STAG1: variants seen among roughly 807,000 people sequenced by gnomAD.
STAG1 encodes cohesin subunit SA-1.
In STAG1, 26 loss-of-function variants were observed where a neutral mutation model predicts 170.9. That is an observed-to-expected ratio of 0.15 (90% CI 0.11 to 0.21). The LOEUF (loss-of-function observed/expected upper bound fraction) is 0.21, where lower values mean the gene tolerates loss of function less well. Ranked by LOEUF, STAG1 falls within the 10% of genes least tolerant of loss-of-function variation. The pLI is 1.00. For synonymous variants in STAG1, 514 were observed against 497.7 expected (o/e 1.03, Z -0.44); for missense variants, 964 against 1,509.5 (o/e 0.64, Z 5.99).
intron 30 of STAG1, among the ~76,000 whole-genome samples, chr3:136,343,343 C>T (rs921447500): frequency 6.6e-6 from 1 of 152,184 alleles, no homozygotes. Flanking sequence ...TTGAGGGCAA[C>T]TATTCTCAGA....
intron 1 of STAG1, among the ~76,000 whole-genome samples, chr3:136,747,092 C>CAAAAAAAAAA (rs1934972144): frequency 3.5e-5 from 1 of 28,856 alleles, no homozygotes; most frequent in African/African-American, 3.9e-4. Context: ...GTGAAACTGT[C>CAAAAAAAAAA]TAAAAAAAAA....
chr3:136,657,189 C>CTTTCT (rs1941409988), intron 1 of STAG1, among the ~76,000 whole-genome samples: 2 of 92,290 alleles, frequency 2.2e-5, no homozygotes, highest in African/African-American at 8.1e-5. Flanking sequence ...TTCTTTCTTT[C>CTTTCT]TTTTTTTTTT....
chr3:136,459,230 A>AG (rs1329265199), intron 13 of STAG1, among the ~76,000 whole-genome samples: 5 of 150,750 alleles, frequency 3.3e-5, no homozygotes, highest in Non-Finnish European at 5.9e-5. Flanking sequence ...GAAAAAAAAA[A>AG]AAAAAAGAAA....
At chr3:136,474,790 G>C (rs2089704645) in intron 10 of STAG1, among the ~76,000 whole-genome samples, 2 of 152,194 alleles carry the variant, frequency 1.3e-5, no homozygotes, top group South Asian at 4.1e-4. Flanking sequence ...ATTCTTCAGT[G>C]TCTGCCAGTG....
At chr3:136,604,153 T>C (rs888774953) in intron 4 of STAG1, among the ~76,000 whole-genome samples, 156 bp downstream of exon 4, 4 of 152,152 alleles carry the variant, frequency 2.6e-5, no homozygotes, top group African/African-American at 9.7e-5. Context: ...TGACACTCTT[T>C]GCAAAACAAA....
intron 4 of STAG1, among the ~76,000 whole-genome samples, chr3:136,588,278 G>A (rs1030948750): frequency 2.0e-5 from 3 of 152,040 alleles, no homozygotes; most frequent in Admixed American, 6.5e-5. Flanking sequence ...TATACAACCC[G>A]CCACCCGCCA....
chr3:136,391,357 AC>A (rs796147442), intron 22 of STAG1, among the ~76,000 whole-genome samples: 34 of 147,492 alleles, frequency 2.3e-4, no homozygotes, highest in African/African-American at 8.4e-4. Context: ...ATAGGGCATT[AC>A]TTTAGCCCTC....
chr3:136,667,201 G>A (rs1027391761), intron 1 of STAG1, among the ~76,000 whole-genome samples: 1 of 152,108 alleles, frequency 6.6e-6, no homozygotes, highest in Non-Finnish European at 1.5e-5. Flanking sequence ...AAAGGTAAAA[G>A]AATGTTAGAT....
chr3:136,440,308 T>C (rs963607137), intron 15 of STAG1, among the ~76,000 whole-genome samples: 4 of 152,016 alleles, frequency 2.6e-5, no homozygotes, highest in African/African-American at 9.7e-5. Flanking sequence ...TGGCTAATTT[T>C]TCATATTTTT....
intron 7 of STAG1, 89 bp from the exon 8 acceptor site, chr3:136,502,868 T>C (rs1933554318): frequency 2.9e-6 from 3 of 1,026,642 alleles, no homozygotes; most frequent in African/African-American, 3.3e-5. Flanking sequence ...GATGAAGAAA[T>C]GAAACTAGTG....
intron 6 of STAG1, among the ~76,000 whole-genome samples, chr3:136,524,311 A>G (rs1207577493): frequency 6.6e-6 from 1 of 152,112 alleles, no homozygotes; most frequent in Admixed American, 6.5e-5. Context: ...GGTCCTTCAC[A>G]TCCCTTGTAG....
chr3:136,526,507 T>TC (rs1210634328), intron 6 of STAG1, among the ~76,000 whole-genome samples: 1 of 152,190 alleles, frequency 6.6e-6, no homozygotes, highest in African/African-American at 2.4e-5. Context: ...TTGAGATGGG[T>TC]CTCCTGAATA....
Position 136,477,248 on chromosome 3 carries a change from C to A in STAG1, c.1026+41G>T, listed in dbSNP as rs144645757. 849 of 1,557,128 alleles carry A rather than the reference C, an allele frequency of 5.5e-4. 16 individuals carry two copies. In the East Asian group the frequency reaches 0.019, roughly 36 times the overall value. On this transcript the variant is annotated intron_variant, in intron 10 of 33. Coordinates refer to ENST00000383202, the MANE Select transcript of STAG1 (RefSeq NM_005862.3). ...GATTCCCAGCATTTTAGTACTGAGACAAACATAACTTCCATCAAAGCTTAG... is the reference window on the plus strand; with the variant it reads ...GATTCCCAGCATTTTAGTACTGAGAAAAACATAACTTCCATCAAAGCTTAG...
At chr3:136,666,734 C>G (rs1046875483) in intron 1 of STAG1, among the ~76,000 whole-genome samples, 1 of 151,448 alleles carries the variant, frequency 6.6e-6, no homozygotes, top group Non-Finnish European at 1.5e-5. Context: ...GTAGGAGAAT[C>G]GCTAGAACCC....
At chr3:136,361,723 ACTTTACCCTCCCGAGTAG>A (rs1465969819) in intron 26 of STAG1, among the ~76,000 whole-genome samples, 1 of 152,024 alleles carries the variant, frequency 6.6e-6, no homozygotes, top group Non-Finnish European at 1.5e-5. Context: ...CCATCCTGTC[ACTTTACCCTCCCGAGTAG>A]CTGGGACTAC....
chr3:136,451,505 C>T (rs2107775843), intron 14 of STAG1, among the ~76,000 whole-genome samples: 1 of 152,094 alleles, frequency 6.6e-6, no homozygotes, highest in Middle Eastern at 3.4e-3. Flanking sequence ...GGCTCATGAC[C>T]ATAATCCCAG....
intron 4 of STAG1, among the ~76,000 whole-genome samples, chr3:136,573,641 A>C (rs529084949): frequency 6.6e-6 from 1 of 152,224 alleles, no homozygotes; most frequent in South Asian, 2.1e-4. Context: ...TAAAAAAAAA[A>C]CCAACCTCAT....
At chr3:136,477,546 G>C in intron 9 of STAG1, 134 bp from the exon 10 acceptor site, 1 of 677,396 alleles carries the variant, frequency 1.5e-6, no homozygotes, top group Non-Finnish European at 2.2e-6. Context: ...TCCAACTTAA[G>C]TATCTTCTGT....
intron 9 of STAG1, 134 bp from the exon 10 acceptor site, chr3:136,477,546 G>GT (rs2089783726): frequency 3.0e-6 from 2 of 677,278 alleles, no homozygotes; most frequent in Non-Finnish European, 4.5e-6. Flanking sequence ...TCCAACTTAA[G>GT]TATCTTCTGT....
Sources: gnomAD v4.1 joint callset for allele counts (sites outside exome capture counted in the v4.1 genomes callset) on GRCh38, gnomAD v4.1.1 for gene constraint, MANE v1.5 for transcripts, NCBI Gene and HGNC (gene_info 2026-07-23, HGNC 2026-07-21) for gene names.